The following CLDN18 variants were observed in gnomAD, a reference collection of about 807,000 sequenced individuals.
CLDN18 encodes claudin-18.
Under a neutral mutation model 25.0 loss-of-function variants are expected in CLDN18, and 20 were observed. The ratio of observed to expected loss-of-function variants is 0.80; its 90% confidence interval spans 0.56 to 1.16. The LOEUF (loss-of-function observed/expected upper bound fraction) is 1.16. Among genes scored for constraint, CLDN18 ranks in the 50% most tolerant of loss-of-function variants. CLDN18 has a pLI of 0.00. For synonymous variants in CLDN18, 125 were observed against 135.6 expected (o/e 0.92, Z 0.54); for missense variants, 297 against 345.4 (o/e 0.86, Z 1.11).
At chr3:138,011,508 T>C (rs1250569565) in intron 1 of CLDN18, among the ~76,000 whole-genome samples, 2 of 152,148 alleles carry the variant, frequency 1.3e-5, no homozygotes, top group Admixed American at 1.3e-4. Flanking sequence ...ACAGGATGAC[T>C]GACTCCGGGG....
intron 3 of CLDN18, among the ~76,000 whole-genome samples, chr3:138,025,883 A>C (rs1942321515): frequency 6.6e-6 from 1 of 152,140 alleles, no homozygotes; most frequent in African/African-American, 2.4e-5. Flanking sequence ...CAGAGGAGCC[A>C]TCTACCAGCC....
intron 2 of CLDN18, 26 bp downstream of exon 2, chr3:138,023,848 C>A: frequency 6.3e-7 from 1 of 1,590,738 alleles, no homozygotes; most frequent in Non-Finnish European, 8.6e-7. Flanking sequence ...GGAGTTCCCA[C>A]TTCTGCGAAT....
Position 138,031,667 on chromosome 3 carries a change from C to T in CLDN18, c.*526C>T, listed in dbSNP as rs1379059037. On this transcript the variant is annotated 3_prime_UTR_variant, in exon 5 of 5. Transcript: ENST00000183605. ...AGAAAGATATTTGTAATCTCTCCAGCCCATGATCTCGGTTTTCTTACACTG... is the reference window on the plus strand; with the variant it reads ...AGAAAGATATTTGTAATCTCTCCAGTCCATGATCTCGGTTTTCTTACACTG... The T allele has an allele frequency of 6.6e-6, 1 of 152,172 alleles. No individual in the cohort carries two copies. Among genetic ancestry groups the T allele is most frequent in the African/African-American group, 2.4e-5 (1 of 41,424 alleles). 9.4% of individuals were successfully genotyped at this position (152,172 alleles called of 1,614,324 possible).
intron 1 of CLDN18, among the ~76,000 whole-genome samples, chr3:138,017,071 A>G (rs1016069163): frequency 6.6e-6 from 1 of 151,682 alleles, no homozygotes; most frequent in Non-Finnish European, 1.5e-5. Flanking sequence ...AAAAAAACAA[A>G]GAAAGAAAGT....
intron 1 of CLDN18, among the ~76,000 whole-genome samples, chr3:138,015,159 A>G (rs1942188986): frequency 6.6e-6 from 1 of 152,028 alleles, no homozygotes; most frequent in Admixed American, 6.5e-5. Context: ...TTTTTAAAAA[A>G]ATATTTAAAG....
At chr3:137,999,029 T>C in exon 1 of CLDN18, 1 of 1,614,186 alleles carries the variant, frequency 6.2e-7, no homozygotes, top group Non-Finnish European at 8.5e-7. Context: ...CGCTCCTGTG[T>C]CCGAGAGAGC....
At chr3:138,022,652 C>T (rs889138080) in intron 1 of CLDN18, among the ~76,000 whole-genome samples, 4 of 152,224 alleles carry the variant, frequency 2.6e-5, no homozygotes, top group Non-Finnish European at 4.4e-5. Context: ...CATCTCCACA[C>T]AGTTTTGCAG....
chr3:138,033,008 G>T lies in CLDN18; in HGVS notation c.*1867G>T, dbSNP rs1321628620. On this transcript the variant is annotated 3_prime_UTR_variant, in exon 5 of 5. Coordinates refer to ENST00000183605, the MANE Select transcript of CLDN18 (RefSeq NM_016369.4). Reference sequence around the variant, plus strand: ...TACCCACAGCAGCATTGGTGCAGGGGAACTTGGCCATTAGGTTATTATTTG... The same window carrying T: ...TACCCACAGCAGCATTGGTGCAGGGTAACTTGGCCATTAGGTTATTATTTG... 1 of 152,220 alleles carries T rather than the reference G, an allele frequency of 6.6e-6. No individual in the cohort carries two copies. Among genetic ancestry groups the T allele is most frequent in the Non-Finnish European group, 1.5e-5 (1 of 68,054 alleles). 9.4% of individuals were successfully genotyped at this position (152,220 alleles called of 1,614,324 possible). A position where few individuals can be genotyped will look rare whatever the true frequency, so the allele number is the denominator to read the frequency against.
intron 1 of CLDN18, among the ~76,000 whole-genome samples, chr3:138,010,809 G>A (rs1450858130): frequency 1.3e-5 from 2 of 152,188 alleles, no homozygotes; most frequent in Admixed American, 6.5e-5. Flanking sequence ...CATGGGAGCA[G>A]GGAAGCAGGA....
At chr3:138,007,671 A>G (rs1420545683), upstream of CLDN18, among the ~76,000 whole-genome samples, 1 of 143,506 alleles carries the variant, frequency 7.0e-6, no homozygotes, top group Non-Finnish European at 1.6e-5. Flanking sequence ...TTAAAGTAAA[A>G]TAAATTTTTT....
At chr3:138,025,587 G>T (rs1174124264) in intron 3 of CLDN18, among the ~76,000 whole-genome samples, 2 of 152,096 alleles carry the variant, frequency 1.3e-5, no homozygotes, top group African/African-American at 4.8e-5. Flanking sequence ...CTGGCTCCCT[G>T]GAACTCCAAT....
chr3:138,025,102 T>C (rs190650439), intron 3 of CLDN18, among the ~76,000 whole-genome samples: 2 of 152,330 alleles, frequency 1.3e-5, no homozygotes, highest in East Asian at 1.9e-4. Flanking sequence ...AGGGAAACGT[T>C]TGAATAGAAA....
chr3:138,006,810 G>A (rs1942074022), upstream of CLDN18, among the ~76,000 whole-genome samples: 1 of 152,100 alleles, frequency 6.6e-6, no homozygotes, highest in African/African-American at 2.4e-5. Context: ...TCAGTATTCT[G>A]CCTAGGTAGA....
chr3:138,016,089 T>G (rs1292498412), intron 1 of CLDN18, among the ~76,000 whole-genome samples: 2 of 152,254 alleles, frequency 1.3e-5, no homozygotes, highest in Admixed American at 1.3e-4. Context: ...TACTATTTAT[T>G]GAGCTGCATA....
At chr3:138,030,186 A>G (rs1942371445) in intron 4 of CLDN18, among the ~76,000 whole-genome samples, 1 of 152,098 alleles carries the variant, frequency 6.6e-6, no homozygotes, top group South Asian at 2.1e-4. Flanking sequence ...ACTAGGAGCA[A>G]TTTCCCCCCC....
upstream of CLDN18, among the ~76,000 whole-genome samples, chr3:138,005,386 G>T (rs35036302): frequency 0.21 from 31,065 of 145,320 alleles, 5,397 homozygotes; most frequent in African/African-American, 0.49. Flanking sequence ...ATCCCTCCCC[G>T]TGCCACCCAC....
chr3:138,025,087 G>A (rs1372927997), intron 3 of CLDN18, among the ~76,000 whole-genome samples: 2 of 152,174 alleles, frequency 1.3e-5, no homozygotes, highest in African/African-American at 4.8e-5. Flanking sequence ...AACCTGGCTA[G>A]GAACAGGGAA....
intron 3 of CLDN18, among the ~76,000 whole-genome samples, chr3:138,025,215 C>A (rs1942312682): frequency 6.6e-6 from 1 of 152,214 alleles, no homozygotes; most frequent in African/African-American, 2.4e-5. Context: ...GTATTGATCA[C>A]CTGCTGTAAG....
At position 138,028,798 on chromosome 3, in the gene CLDN18, C is replaced by T. The variant is rs141048156; in HGVS notation, c.504-999C>T. On this transcript the variant is annotated intron_variant, in intron 3 of 4. Coordinates refer to ENST00000183605, the MANE Select transcript of CLDN18 (RefSeq NM_016369.4). ...GTAATTGAGTCCCATTGGAGGCAGC[C>T]CCCCTAGGCAAAGGGCACCAGCTTT... Among the ~76,000 whole-genome samples the T allele has an allele frequency of 2.2e-3, 335 of 152,244 alleles. 2 individuals are homozygous for T. The highest frequency in any genetic ancestry group is 7.6e-3 in the African/African-American group (317 of 41,540).
Sources: gnomAD v4.1 joint callset for allele counts (sites outside exome capture counted in the v4.1 genomes callset) on GRCh38, gnomAD v4.1.1 for gene constraint, MANE v1.5 for transcripts, NCBI Gene and HGNC (gene_info 2026-07-23, HGNC 2026-07-21) for gene names.